PJVK: variants seen among roughly 807,000 people sequenced by gnomAD.
PJVK encodes the protein autosomal recessive deafness type 59 protein.
A neutral mutation model predicts 37.6 loss-of-function variants in PJVK; 33 were observed. That is an observed-to-expected ratio of 0.88 (90% CI 0.67 to 1.17). The LOEUF (loss-of-function observed/expected upper bound fraction) is 1.17, where lower values mean the gene tolerates loss of function less well. PJVK is among the 50% of genes most tolerant of loss of function. PJVK has a pLI of 0.00. For missense variants in PJVK, 410 were observed against 413.8 expected (o/e 0.99, Z 0.08); for synonymous variants, 141 against 143.5 (o/e 0.98, Z 0.13).
Position 178,451,654 on chromosome 2 carries a change from C to T in PJVK, c.-138C>T, listed in dbSNP as rs1265214018. The T allele has an allele frequency of 7.7e-6, 3 of 387,714 alleles. No individual in the cohort carries two copies. The highest frequency in any genetic ancestry group is 2.2e-5 in the African/African-American group (1 of 45,688). 24.0% of individuals were successfully genotyped at this position (387,714 alleles called of 1,614,324 possible). On this transcript the variant is annotated 5_prime_UTR_variant, in exon 1 of 7. Transcript: ENST00000644580. ...ACGCTCCAGGGGGCTGCGGTGCGCTCTTCGGGTCCCCGAGCCCTGTGTTTA... is the reference window on the plus strand; with the variant it reads ...ACGCTCCAGGGGGCTGCGGTGCGCTTTTCGGGTCCCCGAGCCCTGTGTTTA...
intron 3 of PJVK, 26 bp from the exon 4 acceptor site, chr2:178,455,984 T>C: frequency 6.2e-7 from 1 of 1,611,836 alleles, no homozygotes; most frequent in Non-Finnish European, 8.5e-7. Flanking sequence ...TTATAGAGTC[T>C]TGTGAATGTA....
Position 178,461,013 on chromosome 2 carries a change from A to C in PJVK, c.798A>C (p.Ser266=). Reference sequence around the variant, plus strand: ...GAGTGATGGATGTCATTTCTCGTTCACAGCTTTACTTGGATGATCTTTTTT... The same window carrying C: ...GAGTGATGGATGTCATTTCTCGTTCCCAGCTTTACTTGGATGATCTTTTTT... ...NRRVMDVISR[S]QLYLDDLFSD... is the part of the protein sequence containing the mutation. The change falls in exon 7 of 7, where the codon TCA becomes TCC. Residue 266 remains serine (S), a synonymous_variant. Coordinates refer to ENST00000644580, the MANE Select transcript of PJVK (RefSeq NM_001042702.5). 1 of 1,613,944 alleles carries C rather than the reference A, an allele frequency of 6.2e-7. No homozygotes were observed. Among genetic ancestry groups the C allele is most frequent in the Non-Finnish European group, 8.5e-7 (1 of 1,180,000 alleles).
chr2:178,460,086 A>G (rs1322200632), intron 5 of PJVK: 1 of 419,968 alleles, frequency 2.4e-6, no homozygotes, highest in African/African-American at 2.0e-5. Flanking sequence ...AGCAAACATA[A>G]GAAACTTAAA....
rs1305125650 is a variant in PJVK at position 178,460,466 on chromosome 2, C to T, written c.766+20C>T. 1 of 1,586,394 alleles carries T rather than the reference C, an allele frequency of 6.3e-7. No homozygotes were observed. The highest frequency in any genetic ancestry group is 1.1e-5 in the South Asian group (1 of 90,442). ...AAAGAAGTATGTTTATTGAAGAGTA[C>T]TGTGAATGTCTTTTTTTTTTCTTTC... On this transcript the variant is annotated intron_variant, in intron 6 of 6. Coordinates refer to ENST00000644580, the MANE Select transcript of PJVK (RefSeq NM_001042702.5).
intron 3 of PJVK, chr2:178,455,112 A>T: frequency 6.3e-7 from 1 of 1,597,078 alleles, no homozygotes; most frequent in Non-Finnish European, 8.6e-7. Flanking sequence ...AACGAAGTGA[A>T]GGCGGAGGAG....
At chr2:178,453,289 T>G in intron 1 of PJVK, 99 bp from the exon 2 acceptor site, 1 of 1,032,006 alleles carries the variant, frequency 9.7e-7, no homozygotes, top group Non-Finnish European at 1.5e-6. Context: ...GAAACCATGC[T>G]TTGTATTTTT....
At chr2:178,452,147 G>C (rs1282341778) in intron 1 of PJVK, among the ~76,000 whole-genome samples, 1 of 152,084 alleles carries the variant, frequency 6.6e-6, no homozygotes, top group Non-Finnish European at 1.5e-5. Flanking sequence ...ACAAAAATTA[G>C]CCGGGCGTGG....
chr2:178,455,185 G>A lies in PJVK; in HGVS notation c.407+658G>A, dbSNP rs906134469. 7 of 1,590,544 alleles carry A rather than the reference G, an allele frequency of 4.4e-6. No homozygotes were observed. The Admixed American group carries it at 8.3e-5, about 19-fold the overall frequency. On this transcript the variant is annotated intron_variant, in intron 3 of 6. Coordinates refer to ENST00000644580, the MANE Select transcript of PJVK (RefSeq NM_001042702.5). Reference sequence around the variant, plus strand: ...TGCATCTGGAGAAGATCAAGAAGATGGAGTGGTGGAGCCGCTTGGTGTCCA... The same window carrying A: ...TGCATCTGGAGAAGATCAAGAAGATAGAGTGGTGGAGCCGCTTGGTGTCCA...
chr2:178,455,046 G>C (rs140583687), intron 3 of PJVK: 2 of 1,294,502 alleles, frequency 1.5e-6, no homozygotes, highest in Non-Finnish European at 2.2e-6. Flanking sequence ...ATCCAACGGC[G>C]GCACCTCCAG....
chr2:178,456,141 A>G lies in PJVK; in HGVS notation c.539A>G (p.Glu180Gly). Residue 180 changes from glutamate to glycine, a missense_variant, in exon 4 of 7, where the codon GAA (glutamate) becomes GGA (glycine). Transcript: ENST00000644580. ...SLSVHAGIRG[E>G]AMRFHFMDEQ... is the part of the protein sequence containing the mutation. ...TCTGTGCATGCTGGAATTCGAGGGG[A>G]AGCAATGCGGGTAAACCACACTTGT... The G allele has an allele frequency of 1.2e-6, 2 of 1,614,014 alleles. No individual in the cohort carries two copies. Among genetic ancestry groups the G allele is most frequent in the Non-Finnish European group, 1.7e-6 (2 of 1,179,960 alleles).
chr2:178,461,260 A>G lies in PJVK; in HGVS notation c.1045A>G (p.Lys349Glu), dbSNP rs1684494475. Residue 349 changes from lysine to glutamate, a missense_variant, in exon 7 of 7, where the codon AAG becomes GAG. By Grantham distance (56) the Lys-to-Glu change is moderately conservative (BLOSUM62 1). Transcript: ENST00000644580. Reference sequence around the variant, plus strand: ...AGTTCCTTGTTTTGATATTTGGCACAAGAGGATGAAATAAAATGAAAAATG... The same window carrying G: ...AGTTCCTTGTTTTGATATTTGGCACGAGAGGATGAAATAAAATGAAAAATG... ...HAVPCFDIWH[K>E]RMK 6.2e-7 allele frequency: 1 copy of G among 1,614,010 alleles called. No homozygotes were observed. Among genetic ancestry groups the G allele is most frequent in the Admixed American group, 1.7e-5 (1 of 60,008 alleles).
rs1684476995 is a variant in PJVK, at chr2:178,461,046, CTAT to C, written c.832_834del (p.Tyr278del). The stretch of plus-strand genomic sequence containing the variant: ...ACTTGGATGATCTTTTTTCTGACTA[CTAT>C]GACAAACCTCTCAGCATGACTGATA... On this transcript the variant is annotated inframe_deletion, in exon 7 of 7. Transcript: ENST00000644580. 1 of 1,613,884 alleles carries C rather than the reference CTAT, an allele frequency of 6.2e-7. No homozygotes were observed. Among genetic ancestry groups the C allele is most frequent in the Admixed American group, 1.7e-5 (1 of 59,992 alleles).
intron 4 of PJVK, among the ~76,000 whole-genome samples, chr2:178,456,793 C>T (rs976205494): frequency 1.3e-5 from 2 of 150,722 alleles, no homozygotes; most frequent in African/African-American, 4.9e-5. Flanking sequence ...ACAAAAACCC[C>T]AACCAAAAAA....
Position 178,461,417 on chromosome 2 carries a change from T to C in PJVK, c.*143T>C. On this transcript the variant is annotated 3_prime_UTR_variant, in exon 7 of 7. Coordinates refer to ENST00000644580, the MANE Select transcript of PJVK (RefSeq NM_001042702.5). ...TAACCTGTCTGGGTATCATATTCCC[T>C]ATCTATAAAGTAGCAATTATAACAG... 1.2e-6 allele frequency: 1 copy of C among 857,308 alleles called. No homozygotes were observed. Among genetic ancestry groups the C allele is most frequent in the Admixed American group, 2.5e-5 (1 of 39,928 alleles). 53.1% of individuals were successfully genotyped at this position (857,308 alleles called of 1,614,324 possible). A position where few individuals can be genotyped will look rare whatever the true frequency, so the allele number is the denominator to read the frequency against.
intron 3 of PJVK, chr2:178,455,160 T>C: frequency 1.9e-6 from 3 of 1,600,556 alleles, no homozygotes; most frequent in South Asian, 1.1e-5. Context: ...GTGGTGACTG[T>C]GCATCTGGAG....
intron 2 of PJVK, 167 bp from the exon 3 acceptor site, chr2:178,454,164 CT>C (rs1697900998): frequency 1.8e-6 from 1 of 562,836 alleles, no homozygotes; most frequent in African/African-American, 1.9e-5. Context: ...CTATGTGTTT[CT>C]TTTTGTTGTA....
chr2:178,454,984 C>A (rs373228770), intron 3 of PJVK: 2 of 979,384 alleles, frequency 2.0e-6, no homozygotes, highest in African/African-American at 1.6e-5. Flanking sequence ...CTGGACCTGG[C>A]GGTCCCTTTC....
intron 5 of PJVK, 30 bp downstream of exon 5, chr2:178,458,657 TG>T: frequency 6.6e-7 from 1 of 1,506,382 alleles, no homozygotes; most frequent in South Asian, 1.1e-5. Context: ...GAAATACAAA[TG>T]ATTATATTTT....
intron 6 of PJVK, 58 bp from the exon 7 acceptor site, chr2:178,460,924 A>G (rs1684464062): frequency 1.3e-6 from 2 of 1,489,276 alleles, no homozygotes; most frequent in Non-Finnish European, 1.9e-6. Flanking sequence ...TGCTGTTTGC[A>G]TTATGTATTT....
Sources: allele counts gnomAD v4.1 joint callset (sites outside exome capture counted in the v4.1 genomes callset), GRCh38; gene constraint gnomAD v4.1.1; transcripts MANE v1.5; gene names NCBI Gene and HGNC (gene_info 2026-07-23, HGNC 2026-07-21).